The following MID1 variants were observed in gnomAD, a reference collection of about 807,000 sequenced individuals.
The protein encoded by MID1 is E3 ubiquitin-protein ligase Midline-1.
MID1 carries 7 observed loss-of-function variants against 40.4 expected under a neutral mutation model. The observed-to-expected ratio is 0.17, with a 90% CI of 0.10 to 0.33. The LOEUF is 0.33. Ranked by LOEUF, MID1 falls within the 10% of genes least tolerant of loss-of-function variation. The probability of loss-of-function intolerance (pLI) is 1.00; values close to 1 mark genes in which losing one functional copy is unlikely to be tolerated. For synonymous variants in MID1, 229 were observed against 221.2 expected (o/e 1.04, Z -0.31); for missense variants, 367 against 558.5 (o/e 0.66, Z 3.46).
chrX:10,454,075 T>C (rs1336334180), intron 9 of MID1, among the ~76,000 whole-genome samples: 1 of 112,351 alleles, frequency 8.9e-6, no homozygotes, highest in Admixed American at 9.4e-5. Context: ...AGGGGTGCAG[T>C]TGTGGCTGTG....
intron 1 of MID1, among the ~76,000 whole-genome samples, chrX:10,722,245 C>T (rs1172996559): frequency 4.5e-5 from 5 of 111,870 alleles, no homozygotes; most frequent in African/African-American, 1.6e-4. Flanking sequence ...CCCCCACTAC[C>T]TTATTCTACT....
At position 10,449,636 on chromosome X, in the gene MID1, C is replaced by T. The variant is rs761774660; in HGVS notation, c.1736G>A (p.Arg579His). 2.0e-5 allele frequency: 24 copies of T among 1,211,388 alleles called. 1 individual carries two copies. The highest frequency in any genetic ancestry group is 2.7e-5 in the Non-Finnish European group (24 of 895,341). ...TCTCACCACCCAGTTATTGTTGCAGCGGCAGAGCGCCCAGGAAGCAGAGTT... is the reference window on the plus strand; with the variant it reads ...TCTCACCACCCAGTTATTGTTGCAGTGGCAGAGCGCCCAGGAAGCAGAGTT... Reference protein sequence around the residue: ...GKNSASWALCRCNNNWVVRHN... With the variant: ...GKNSASWALCHCNNNWVVRHN... Residue 579 changes from arginine to histidine, a missense_variant, in exon 10 of 10, where the codon CGC (arginine) becomes CAC (histidine). By Grantham distance (29) the Arg-to-His change is conservative. Around this residue, in one of 3 missense-constraint regions of MID1, gnomAD observed 275 missense variants for 383.1 expected, o/e 0.72. Transcript: ENST00000317552.
rs145557540 is a variant in MID1, at chrX:10,515,207, G to C, written c.756+7885C>G. ...GGTTCATCTTTCTTTTTAACCCAGT[G>C]ATTTTTCATTATTTCAAAGTTTACA... On this transcript the variant is annotated intron_variant, in intron 3 of 9. Coordinates refer to ENST00000317552, the MANE Select transcript of MID1 (RefSeq NM_000381.4). Among the ~76,000 whole-genome samples, 689 of 112,254 alleles carry C rather than the reference G, an allele frequency of 6.1e-3. 5 individuals are homozygous for C. Among genetic ancestry groups the C allele is most frequent in the African/African-American group, 0.021 (654 of 30,894 alleles).
At chrX:10,647,276 T>C (rs374578116) in intron 1 of MID1, among the ~76,000 whole-genome samples, 1 of 111,920 alleles carries the variant, frequency 8.9e-6, no homozygotes, top group African/African-American at 3.2e-5. Context: ...TCCAGCATTG[T>C]TACCACCACC....
At chrX:10,721,597 T>C (rs2043355195) in intron 1 of MID1, among the ~76,000 whole-genome samples, 1 of 110,455 alleles carries the variant, frequency 9.1e-6, no homozygotes, top group Non-Finnish European at 1.9e-5. Context: ...AAACACAGAA[T>C]CAAATTTCTC....
chrX:10,680,396 A>G (rs1243872694), intron 1 of MID1, among the ~76,000 whole-genome samples: 1 of 112,219 alleles, frequency 8.9e-6, no homozygotes, highest in Admixed American at 9.5e-5. Context: ...GACTTCAGTA[A>G]GACTTTCACC....
intron 2 of MID1, among the ~76,000 whole-genome samples, chrX:10,563,438 G>A (rs1319089188): frequency 9.0e-6 from 1 of 111,203 alleles, no homozygotes; most frequent in African/African-American, 3.3e-5. Context: ...CAGAAAAAGA[G>A]GACTACTGCA....
intron 3 of MID1, among the ~76,000 whole-genome samples, chrX:10,507,723 C>A: frequency 8.9e-6 from 1 of 112,348 alleles, no homozygotes; most frequent in Non-Finnish European, 1.9e-5. Flanking sequence ...GGCAGCAATA[C>A]TTTCAGATAA....
chrX:10,547,011 C>T (rs1933706771), intron 2 of MID1, among the ~76,000 whole-genome samples: 1 of 112,280 alleles, frequency 8.9e-6, no homozygotes. Flanking sequence ...GTTTTGGGGG[C>T]CAGGTGCAGT....
intron 5 of MID1, among the ~76,000 whole-genome samples, chrX:10,481,121 C>T (rs562789255): frequency 1.8e-5 from 2 of 111,944 alleles, no homozygotes; most frequent in Admixed American, 1.9e-4. Flanking sequence ...TCTATATTAT[C>T]TATGGCCGCT....
intron 6 of MID1, among the ~76,000 whole-genome samples, chrX:10,472,306 A>G (rs1005888814): frequency 8.9e-6 from 1 of 112,598 alleles, no homozygotes; most frequent in Non-Finnish European, 1.9e-5. Flanking sequence ...CAGAAGACAT[A>G]ATAGCAGGTA....
chrX:10,511,267 G>A (rs1932142532), intron 3 of MID1, among the ~76,000 whole-genome samples: 1 of 109,935 alleles, frequency 9.1e-6, no homozygotes, highest in Admixed American at 9.7e-5. Context: ...AAAAAATTAC[G>A]TGTTTCAAAT....
intron 1 of MID1, among the ~76,000 whole-genome samples, chrX:10,833,351 C>A (rs1190212251): frequency 8.9e-6 from 1 of 111,987 alleles, no homozygotes; most frequent in Admixed American, 9.5e-5. Context: ...GTCTAAAGTG[C>A]TAAAAATCAT....
At chrX:10,640,864 C>T (rs1409492374) in intron 1 of MID1, among the ~76,000 whole-genome samples, 2 of 111,842 alleles carry the variant, frequency 1.8e-5, no homozygotes, top group African/African-American at 6.5e-5. Context: ...AAGAAACTCA[C>T]TCAAAACCAC....
chrX:10,638,011 G>A (rs767552951), intron 1 of MID1, among the ~76,000 whole-genome samples: 5 of 112,006 alleles, frequency 4.5e-5, no homozygotes, highest in East Asian at 2.8e-4. Flanking sequence ...AAATACACTC[G>A]GGAAGTGGGA....
intron 3 of MID1, among the ~76,000 whole-genome samples, chrX:10,521,844 GT>G (rs1328488009): frequency 2.7e-5 from 3 of 111,806 alleles, no homozygotes; most frequent in Non-Finnish European, 3.8e-5. Flanking sequence ...CAGAATCTTT[GT>G]TTTTTCTTTT....
chrX:10,664,927 C>A (rs2042939899), intron 1 of MID1, among the ~76,000 whole-genome samples: 1 of 111,946 alleles, frequency 8.9e-6, no homozygotes, highest in African/African-American at 3.3e-5. Flanking sequence ...AATTAAACAT[C>A]TAGAATGTAA....
intron 2 of MID1, among the ~76,000 whole-genome samples, chrX:10,531,750 C>A (rs1289021158): frequency 8.9e-6 from 1 of 111,756 alleles, no homozygotes; most frequent in Non-Finnish European, 1.9e-5. Flanking sequence ...TAGTTCTATT[C>A]ATTTAGTTAT....
chrX:10,607,163 T>C lies in MID1; in HGVS notation c.-57+13127A>G, dbSNP rs940677715. Among the ~76,000 whole-genome samples, 4 of 112,378 alleles carry C rather than the reference T, an allele frequency of 3.6e-5. No individual in the cohort carries two copies. The East Asian group carries it at 8.4e-4, about 24-fold the overall frequency. On this transcript the variant is annotated intron_variant, in intron 1 of 9. Coordinates refer to ENST00000317552, the MANE Select transcript of MID1 (RefSeq NM_000381.4). ...TTTAGAGATTGGTAGTTATCAGAAA[T>C]GAACAGGTGGGCACCAAAACCTGAT...
Sources: allele counts gnomAD v4.1 joint callset (sites outside exome capture counted in the v4.1 genomes callset), GRCh38; gene constraint gnomAD v4.1.1; regional missense constraint gnomAD v4.1.1; transcripts MANE v1.5; gene names NCBI Gene and HGNC (gene_info 2026-07-23, HGNC 2026-07-21).